CAMKMT: variants seen among roughly 807,000 people sequenced by gnomAD.
The protein encoded by CAMKMT is calmodulin-lysine N-methyltransferase, also known as CaM KMT.
CAMKMT carries 53 observed loss-of-function variants against 48.0 expected under a neutral mutation model. The ratio of observed to expected loss-of-function variants is 1.10; its 90% CI spans 0.89 to 1.39. The LOEUF is 1.39. Ranked by LOEUF, CAMKMT falls within the 40% of genes most tolerant of loss-of-function variation. CAMKMT has a pLI of 0.00. For synonymous variants in CAMKMT, 165 were observed against 152.3 expected (o/e 1.08, Z -0.61); for missense variants, 428 against 402.7 (o/e 1.06, Z -0.54).
intron 3 of CAMKMT, among the ~76,000 whole-genome samples, chr2:44,413,126 C>T (rs189017059): frequency 3.0e-4 from 46 of 151,502 alleles, no homozygotes; most frequent in Middle Eastern, 3.4e-3. Flanking sequence ...AAATAATAAA[C>T]TAATGGTGTT....
At chr2:44,495,800 C>T (rs1225515797) in intron 3 of CAMKMT, among the ~76,000 whole-genome samples, 1 of 152,140 alleles carries the variant, frequency 6.6e-6, no homozygotes, top group Non-Finnish European at 1.5e-5. Context: ...ACATTATGAG[C>T]CCACAAAGAA....
intron 1 of CAMKMT, among the ~76,000 whole-genome samples, chr2:44,365,495 T>G (rs1003526285): frequency 6.6e-6 from 1 of 152,216 alleles, no homozygotes; most frequent in African/African-American, 2.4e-5. Flanking sequence ...TCCTCTTTGT[T>G]GAGTCTCATT....
intron 6 of CAMKMT, among the ~76,000 whole-genome samples, chr2:44,708,911 TCAG>T (rs755499021): frequency 6.6e-6 from 1 of 151,930 alleles, no homozygotes; most frequent in Non-Finnish European, 1.5e-5. Flanking sequence ...TTTTTTCAAG[TCAG>T]CAGGTGTCTT....
chr2:44,758,022 C>A (rs1021165032), intron 9 of CAMKMT, among the ~76,000 whole-genome samples: 2 of 152,204 alleles, frequency 1.3e-5, no homozygotes, highest in African/African-American at 4.8e-5. Context: ...GTAGCAGGCC[C>A]TGTACTGGTT....
At chr2:44,550,980 G>A (rs1280431456) in intron 3 of CAMKMT, among the ~76,000 whole-genome samples, 1 of 152,078 alleles carries the variant, frequency 6.6e-6, no homozygotes, top group East Asian at 1.9e-4. Flanking sequence ...CACAATATAT[G>A]ACAACTTGCA....
At chr2:44,567,010 G>C (rs1388595335) in intron 3 of CAMKMT, among the ~76,000 whole-genome samples, 2 of 152,112 alleles carry the variant, frequency 1.3e-5, no homozygotes, top group Non-Finnish European at 2.9e-5. Flanking sequence ...AAATTCAGAA[G>C]CTTGGGGGAA....
intron 3 of CAMKMT, among the ~76,000 whole-genome samples, chr2:44,565,572 C>G (rs1668565851): frequency 6.6e-6 from 1 of 151,940 alleles, no homozygotes; most frequent in African/African-American, 2.4e-5. Flanking sequence ...AGCAGTTCTT[C>G]TAAAATTTGG....
intron 3 of CAMKMT, among the ~76,000 whole-genome samples, chr2:44,635,693 TAGG>T (rs1673090008): frequency 6.6e-6 from 1 of 152,230 alleles, no homozygotes; most frequent in Non-Finnish European, 1.5e-5. Flanking sequence ...TTTAAAAGCA[TAGG>T]AGAAGCTGGG....
intron 3 of CAMKMT, among the ~76,000 whole-genome samples, chr2:44,573,003 T>C (rs6733173): frequency 0.63 from 95,235 of 151,244 alleles, 30,479 homozygotes; most frequent in Admixed American, 0.69. Context: ...GCCGTCTATA[T>C]CTTAGTAATA....
Position 44,559,491 on chromosome 2 carries a change from C to G in CAMKMT, c.377-144792C>G, listed in dbSNP as rs146726670. 3.4e-3 allele frequency among the ~76,000 whole-genome samples: 513 copies of G among 152,302 alleles called. 4 individuals are homozygous for G. The highest frequency in any genetic ancestry group is 0.016 in the South Asian group (76 of 4,828). On this transcript the variant is annotated intron_variant, in intron 3 of 10. Transcript: ENST00000378494. ...GTCCTTCAAGTATTTCATGACAACT[C>G]TCATGGCTTTTGTAAACCTTTATTT...
At chr2:44,599,807 T>A (rs1558735284) in intron 3 of CAMKMT, among the ~76,000 whole-genome samples, 2 of 142,230 alleles carry the variant, frequency 1.4e-5, no homozygotes, top group South Asian at 4.7e-4. Context: ...AACAGTGGAG[T>A]TGACACCTTG....
At chr2:44,473,047 CATG>C (rs1668506706) in intron 3 of CAMKMT, among the ~76,000 whole-genome samples, 2 of 152,142 alleles carry the variant, frequency 1.3e-5, no homozygotes, top group African/African-American at 4.8e-5. Context: ...ATAGTTCTAC[CATG>C]ATGTTTCTTT....
At chr2:44,491,570 A>G (rs1423321048) in intron 3 of CAMKMT, among the ~76,000 whole-genome samples, 3 of 152,228 alleles carry the variant, frequency 2.0e-5, no homozygotes, top group Non-Finnish European at 4.4e-5. Context: ...TACAAAGGCA[A>G]TTTAATTGAG....
chr2:44,676,806 A>T (rs975268637), intron 3 of CAMKMT: 1 of 152,254 alleles, frequency 6.6e-6, no homozygotes, highest in African/African-American at 2.4e-5. Flanking sequence ...AATAGTATTT[A>T]TGAATAGTTC....
At chr2:44,582,432 A>C (rs945973382) in intron 3 of CAMKMT, among the ~76,000 whole-genome samples, 5 of 152,216 alleles carry the variant, frequency 3.3e-5, no homozygotes, top group Non-Finnish European at 7.3e-5. Context: ...CCATTTCTAA[A>C]TGCACTCAGT....
chr2:44,600,850 C>G (rs1670943226), intron 3 of CAMKMT, among the ~76,000 whole-genome samples: 1 of 152,048 alleles, frequency 6.6e-6, no homozygotes, highest in Non-Finnish European at 1.5e-5. Context: ...GAGATTAAAA[C>G]TACTACAATT....
intron 9 of CAMKMT, among the ~76,000 whole-genome samples, chr2:44,765,514 AT>A (rs1159050402): frequency 7.1e-6 from 1 of 141,010 alleles, no homozygotes; most frequent in Non-Finnish European, 1.5e-5. Context: ...GCATATAGCC[AT>A]CTTTATTTTT....
At chr2:44,624,977 T>A (rs1257550329) in intron 3 of CAMKMT, among the ~76,000 whole-genome samples, 1 of 151,960 alleles carries the variant, frequency 6.6e-6, no homozygotes, top group African/African-American at 2.4e-5. Flanking sequence ...CCACATCCTC[T>A]CCAGCACCTG....
intron 3 of CAMKMT, among the ~76,000 whole-genome samples, chr2:44,469,556 C>T (rs958500111): frequency 1.3e-5 from 2 of 151,912 alleles, no homozygotes; most frequent in Non-Finnish European, 2.9e-5. Context: ...GTTAAATCTT[C>T]TTCTTTGTGT....
Sources: allele counts gnomAD v4.1 joint callset (sites outside exome capture counted in the v4.1 genomes callset), GRCh38; gene constraint gnomAD v4.1.1; transcripts MANE v1.5; gene names NCBI Gene and HGNC (gene_info 2026-07-23, HGNC 2026-07-21).